Variants in HTR1E observed in about 807,000 individuals in gnomAD.
HTR1E encodes 5-HT-1E.
In HTR1E, 3 loss-of-function variants were observed where a neutral mutation model predicts 3.4. That is an observed-to-expected ratio of 0.89 (90% CI 0.41 to 2.31). The LOEUF is 2.31. Ranked by LOEUF, HTR1E falls within the 30% of genes most tolerant of loss-of-function variation. HTR1E has a pLI of 0.05. For missense variants in HTR1E, 392 were observed against 467.0 expected (o/e 0.84, Z 1.48); for synonymous variants, 170 against 182.8 (o/e 0.93, Z 0.56).
chr6:86,990,780 C>A (rs1441215442), intron 1 of HTR1E, among the ~76,000 whole-genome samples: 1 of 152,108 alleles, frequency 6.6e-6, no homozygotes, highest in Non-Finnish European at 1.5e-5. Flanking sequence ...AGAGATAAAT[C>A]TTCCTTTCAG....
intron 1 of HTR1E, among the ~76,000 whole-genome samples, chr6:86,964,029 C>T (rs1306276845): frequency 1.3e-5 from 2 of 152,178 alleles, no homozygotes; most frequent in African/African-American, 4.8e-5. Flanking sequence ...CAGTTCAGGA[C>T]ATCATTCTAG....
Position 86,947,634 on chromosome 6 carries a change from G to A in HTR1E, c.-186+9811G>A, listed in dbSNP as rs576559264. Among the ~76,000 whole-genome samples the A allele has an allele frequency of 3.9e-4, 60 of 152,098 alleles. No homozygotes were observed. In the South Asian group the frequency reaches 8.8e-3, roughly 22 times the overall value. The stretch of plus-strand genomic sequence containing the variant: ...TTTCCCTCTCTATAGGGAGAAAAGA[G>A]TGGTTTCTTTTTCAATGAAATCAGG... On this transcript the variant is annotated intron_variant, in intron 1 of 1. Transcript: ENST00000305344.
At chr6:86,977,981 T>A (rs1348382051) in intron 1 of HTR1E, among the ~76,000 whole-genome samples, 1 of 152,226 alleles carries the variant, frequency 6.6e-6, no homozygotes, top group African/African-American at 2.4e-5. Context: ...TTTCCCATTC[T>A]GTAGGTTGAC....
intron 1 of HTR1E, among the ~76,000 whole-genome samples, chr6:86,965,084 C>T (rs1460870481): frequency 6.6e-6 from 1 of 152,182 alleles, no homozygotes; most frequent in Non-Finnish European, 1.5e-5. Context: ...CCACTCCATG[C>T]CATATGTGGG....
Position 86,972,114 on chromosome 6 carries a change from G to A in HTR1E, c.-186+34291G>A, listed in dbSNP as rs373950691. Among the ~76,000 whole-genome samples, 337 of 152,228 alleles carry A rather than the reference G, an allele frequency of 2.2e-3. 1 individual carries two copies. The highest frequency in any genetic ancestry group is 4.1e-3 in the Admixed American group (63 of 15,276). On this transcript the variant is annotated intron_variant, in intron 1 of 1. Coordinates refer to ENST00000305344, the MANE Select transcript of HTR1E (RefSeq NM_000865.3). Reference sequence around the variant, plus strand: ...ATTAAAAGCAATCTTACCTACTTTAGTTGGTGGGATTTTCATTAAGTGTAA... The same window carrying A: ...ATTAAAAGCAATCTTACCTACTTTAATTGGTGGGATTTTCATTAAGTGTAA...
intron 1 of HTR1E, among the ~76,000 whole-genome samples, chr6:87,002,558 T>G (rs572825747): frequency 2.1e-4 from 32 of 152,212 alleles, no homozygotes; most frequent in Non-Finnish European, 4.1e-4. Context: ...TACAATCCTT[T>G]AGCTAGACAC....
intron 1 of HTR1E, among the ~76,000 whole-genome samples, chr6:86,952,118 G>C (rs975261219): frequency 6.6e-6 from 1 of 152,154 alleles, no homozygotes; most frequent in Non-Finnish European, 1.5e-5. Flanking sequence ...TTAGCTACTA[G>C]GAAATTATCA....
At position 86,947,651 on chromosome 6, in the gene HTR1E, GA is replaced by G. The variant is rs552464466; in HGVS notation, c.-186+9831del. Among the ~76,000 whole-genome samples the G allele has an allele frequency of 3.0e-4, 46 of 151,872 alleles. No individual in the cohort carries two copies. The East Asian group carries it at 8.3e-3, about 28-fold the overall frequency. On this transcript the variant is annotated intron_variant, in intron 1 of 1. Transcript: ENST00000305344. ...AGAAAAGAGTGGTTTCTTTTTCAATGAAATCAGGAGTATGTTATATACTTTT... is the reference window on the plus strand; with the variant it reads ...AGAAAAGAGTGGTTTCTTTTTCAATGAATCAGGAGTATGTTATATACTTTT...
intron 1 of HTR1E, among the ~76,000 whole-genome samples, chr6:86,945,062 C>A (rs957491530): frequency 3.9e-5 from 6 of 151,988 alleles, no homozygotes; most frequent in Non-Finnish European, 8.8e-5. Context: ...AAAACAGCCT[C>A]AGGCAGGTCC....
At chr6:86,949,517 C>A (rs570750490) in intron 1 of HTR1E, among the ~76,000 whole-genome samples, 2 of 152,050 alleles carry the variant, frequency 1.3e-5, no homozygotes, top group Non-Finnish European at 2.9e-5. Flanking sequence ...CTAAGCCTAT[C>A]GTCATCTTTA....
intron 1 of HTR1E, among the ~76,000 whole-genome samples, chr6:86,942,480 C>A (rs1292237714): frequency 6.6e-6 from 1 of 152,110 alleles, no homozygotes; most frequent in African/African-American, 2.4e-5. Flanking sequence ...CCATATAGTT[C>A]ATCATAATTT....
intron 1 of HTR1E, chr6:86,970,850 C>T: frequency 4.0e-6 from 1 of 250,364 alleles, no homozygotes; most frequent in Non-Finnish European, 7.8e-6. Flanking sequence ...AGTTAACATA[C>T]TGAGGCTTGT....
intron 1 of HTR1E, among the ~76,000 whole-genome samples, chr6:86,954,588 G>C (rs374063621): frequency 5.5e-4 from 83 of 152,278 alleles, no homozygotes; most frequent in African/African-American, 1.9e-3. Context: ...CTGCAGAAGA[G>C]AGCGGTGTGG....
chr6:86,995,173 C>T (rs975745295), intron 1 of HTR1E, among the ~76,000 whole-genome samples: 2 of 151,792 alleles, frequency 1.3e-5, no homozygotes, highest in Non-Finnish European at 2.9e-5. Flanking sequence ...CATACCGACC[C>T]GGAGCCGTGG....
chr6:86,961,456 T>C (rs1285205460), intron 1 of HTR1E, among the ~76,000 whole-genome samples: 2 of 152,238 alleles, frequency 1.3e-5, no homozygotes, highest in African/African-American at 2.4e-5. Flanking sequence ...AAATCAATTA[T>C]ATGAGTTTAA....
rs115740902 is a variant in HTR1E, at chr6:86,971,872, C to T, written c.-186+34049C>T. Among the ~76,000 whole-genome samples the T allele has an allele frequency of 7.2e-3, 1,101 of 152,140 alleles. 11 individuals carry two copies. Among genetic ancestry groups the T allele is most frequent in the African/African-American group, 0.025 (1,021 of 41,508 alleles). On this transcript the variant is annotated intron_variant, in intron 1 of 1. Transcript: ENST00000305344. ...TTCCATCTTTGTATCCATGTATACC[C>T]AATGTTTAGCTCCCACTTATAAGTA...
chr6:86,982,388 G>T (rs1767727838), intron 1 of HTR1E, among the ~76,000 whole-genome samples: 1 of 152,158 alleles, frequency 6.6e-6, no homozygotes, highest in South Asian at 2.1e-4. Flanking sequence ...CTTAGGTTGG[G>T]TTTCTTGGAA....
At chr6:86,999,895 A>C (rs1321394921) in intron 1 of HTR1E, 1 of 152,230 alleles carries the variant, frequency 6.6e-6, no homozygotes, top group African/African-American at 2.4e-5. Flanking sequence ...CTATCTACAC[A>C]AACACCTGCC....
At chr6:86,967,973 A>C (rs1294681158) in intron 1 of HTR1E, among the ~76,000 whole-genome samples, 6 of 152,190 alleles carry the variant, frequency 3.9e-5, no homozygotes, top group African/African-American at 1.2e-4. Context: ...GCTTTCAGCT[A>C]TCAGTTTCCC....
Sources: allele counts gnomAD v4.1 joint callset (sites outside exome capture counted in the v4.1 genomes callset), GRCh38; gene constraint gnomAD v4.1.1; transcripts MANE v1.5; gene names NCBI Gene and HGNC (gene_info 2026-07-23, HGNC 2026-07-21).